Variants in AP3B1 observed in about 807,000 individuals in gnomAD.
The protein encoded by AP3B1 is adaptor related protein complex 3 subunit beta 1.
Under a neutral mutation model 132.5 loss-of-function variants are expected in AP3B1, and 61 were observed. The ratio of observed to expected loss-of-function variants is 0.46; its 90% CI spans 0.37 to 0.57. The LOEUF (loss-of-function observed/expected upper bound fraction) is 0.57. Among genes scored for constraint, AP3B1 ranks in the 20% least tolerant of loss-of-function variants. AP3B1 has a pLI of 0.00. For missense variants in AP3B1, 1,120 were observed against 1,289.4 expected, an observed-to-expected ratio of 0.87 and a Z score of 2.01; for synonymous variants, 388 against 438.3, an observed-to-expected ratio of 0.89 and a Z score of 1.43.
chr5:78,058,627 A>C (rs16875061), intron 22 of AP3B1, among the ~76,000 whole-genome samples: 4,044 of 152,320 alleles, frequency 0.027, 164 homozygotes, highest in East Asian at 0.14. Context: ...CACTTTATTT[A>C]ATATGACTGA....
intron 21 of AP3B1, among the ~76,000 whole-genome samples, chr5:78,093,659 T>C (rs1458996256): frequency 6.6e-6 from 1 of 152,242 alleles, no homozygotes; most frequent in Admixed American, 6.5e-5. Flanking sequence ...CTTAATATGT[T>C]GTTATTTAAT....
intron 3 of AP3B1, among the ~76,000 whole-genome samples, chr5:78,228,498 T>C (rs937678155): frequency 6.6e-6 from 1 of 152,220 alleles, no homozygotes; most frequent in Non-Finnish European, 1.5e-5. Flanking sequence ...AAAAAATCCC[T>C]GAGCAGATCT....
intron 7 of AP3B1, among the ~76,000 whole-genome samples, chr5:78,209,057 CAATATATGTCTATTACCTAGA>C (rs1028352580): frequency 2.0e-5 from 3 of 151,644 alleles, no homozygotes; most frequent in African/African-American, 7.3e-5. Context: ...CAAGAAATAG[CAATATATGTCTATTACCTAGA>C]AATGGAGAAA....
At chr5:78,193,732 G>GTGTATATATATATATATATATATCTA (rs1340871803) in intron 7 of AP3B1, among the ~76,000 whole-genome samples, 4 of 89,230 alleles carry the variant, frequency 4.5e-5, no homozygotes, top group East Asian at 5.1e-4. Context: ...TTAAATATTT[G>GTGTATATATATATATATATATATCTA]TATATATTTT....
intron 1 of AP3B1, among the ~76,000 whole-genome samples, chr5:78,293,057 T>G (rs11948588): frequency 0.22 from 33,971 of 151,850 alleles, 3,979 homozygotes; most frequent in Admixed American, 0.28. Context: ...TTTTGTATTT[T>G]TAGTAGAGAC....
intron 6 of AP3B1, among the ~76,000 whole-genome samples, chr5:78,223,808 G>C (rs991446056): frequency 5.9e-5 from 9 of 152,188 alleles, no homozygotes; most frequent in Non-Finnish European, 1.2e-4. Flanking sequence ...CTATGTGGCA[G>C]ACGCTCAGAC....
At chr5:78,118,476 A>C (rs1437777379) in intron 17 of AP3B1, among the ~76,000 whole-genome samples, 1 of 148,556 alleles carries the variant, frequency 6.7e-6, no homozygotes, top group Non-Finnish European at 1.5e-5. Flanking sequence ...CTCCCACCCT[A>C]ATACTGCGCT....
chr5:78,009,205 A>C lies in AP3B1; in HGVS notation c.3132-6150T>G, dbSNP rs372394203. Among the ~76,000 whole-genome samples, 3 of 151,978 alleles carry C rather than the reference A, an allele frequency of 2.0e-5. No individual in the cohort carries two copies. The East Asian group carries it at 5.8e-4, about 29-fold the overall frequency. On this transcript the variant is annotated intron_variant, in intron 26 of 26. Transcript: ENST00000255194. ...CACAGTGGCGCATGCTTGTAATCCC[A>C]ACACTTTGGGAAACCAAAGTGGGAG...
chr5:78,053,814 G>A (rs147892912), intron 22 of AP3B1, among the ~76,000 whole-genome samples: 237 of 151,988 alleles, frequency 1.6e-3, no homozygotes, highest in African/African-American at 5.0e-3. Context: ...ATTTGCCCCC[G>A]TCATTAGGTT....
rs138212812 is a variant in AP3B1, at chr5:78,119,352, C to T, written c.1969-3118G>A. 4.8e-3 allele frequency among the ~76,000 whole-genome samples: 736 copies of T among 152,172 alleles called. 4 individuals carry two copies. Among genetic ancestry groups the T allele is most frequent in the African/African-American group, 0.016 (683 of 41,480 alleles). On this transcript the variant is annotated intron_variant, in intron 17 of 26. Transcript: ENST00000255194. The stretch of plus-strand genomic sequence containing the variant: ...AAAGCTGGACGGAGAATGACGTTGA[C>T]GAGCTGAGAGAAGAAGGCTTCAGAT...
At chr5:78,008,029 T>C (rs1746470033) in intron 26 of AP3B1, among the ~76,000 whole-genome samples, 1 of 152,172 alleles carries the variant, frequency 6.6e-6, no homozygotes, top group Non-Finnish European at 1.5e-5. Flanking sequence ...TCTTCAGAGA[T>C]GGTATAAAAA....
chr5:78,006,083 C>T (rs561758980), intron 26 of AP3B1, among the ~76,000 whole-genome samples: 14 of 152,278 alleles, frequency 9.2e-5, no homozygotes, highest in South Asian at 4.2e-4. Flanking sequence ...ATGATAGCAG[C>T]TATCATTTGT....
chr5:78,185,404 G>A (rs1744563405), intron 7 of AP3B1, among the ~76,000 whole-genome samples: 1 of 152,248 alleles, frequency 6.6e-6, no homozygotes, highest in African/African-American at 2.4e-5. Context: ...GCATGTAAAG[G>A]ACATACCTAA....
Position 78,141,181 on chromosome 5 carries a change from T to G in AP3B1, c.1612A>C (p.Asn538His). The change falls in exon 15 of 27, where the codon AAT (asparagine) becomes CAT (histidine). Residue 538 changes from asparagine to histidine, a missense_variant. Transcript: ENST00000255194. ...GTTAAATACAATTTTGCTCCCAGAT[T>G]TAATATCTGCAGTTTTACCAGATCA... ...EDDLVKLQIL[N>H]LGAKLYLTNS... 6.2e-7 allele frequency: 1 copy of G among 1,613,808 alleles called. No homozygotes were observed. Among genetic ancestry groups the G allele is most frequent in the Non-Finnish European group, 8.5e-7 (1 of 1,179,760 alleles).
At chr5:78,167,058 C>CAACCCACAGAGTGGGAGAA (rs1163160922) in intron 11 of AP3B1, among the ~76,000 whole-genome samples, 2 of 152,192 alleles carry the variant, frequency 1.3e-5, no homozygotes, top group African/African-American at 4.8e-5. Flanking sequence ...AGTTAACAGA[C>CAACCCACAGAGTGGGAGAA]AACCCACAGA....
intron 7 of AP3B1, among the ~76,000 whole-genome samples, chr5:78,200,031 GCCAA>G (rs2112449671): frequency 6.6e-6 from 1 of 152,136 alleles, no homozygotes; most frequent in South Asian, 2.1e-4. Flanking sequence ...AGAAGACAAA[GCCAA>G]AAGAGATCTG....
chr5:78,235,656 A>G (rs1746845788), intron 3 of AP3B1, among the ~76,000 whole-genome samples: 2 of 152,242 alleles, frequency 1.3e-5, no homozygotes. Flanking sequence ...CTCCGTGACT[A>G]CATCATTCTC....
chr5:78,025,142 A>G (rs1747287612), intron 24 of AP3B1, among the ~76,000 whole-genome samples: 1 of 152,244 alleles, frequency 6.6e-6, no homozygotes, highest in Non-Finnish European at 1.5e-5. Context: ...AGAGGTAAAC[A>G]ATTTCAAAAG....
chr5:78,111,812 T>C (rs1751604022), intron 19 of AP3B1, among the ~76,000 whole-genome samples: 1 of 152,164 alleles, frequency 6.6e-6, no homozygotes, highest in South Asian at 2.1e-4. Context: ...ATCATACTAA[T>C]TATCTAATTT....
Sources: allele counts gnomAD v4.1 joint callset (sites outside exome capture counted in the v4.1 genomes callset), GRCh38; gene constraint gnomAD v4.1.1; transcripts MANE v1.5; gene names NCBI Gene and HGNC (gene_info 2026-07-23, HGNC 2026-07-21).